Variants in GGA3 observed in about 807,000 individuals in gnomAD.
GGA3 encodes ADP-ribosylation factor-binding protein GGA3.
Under a neutral mutation model 77.5 loss-of-function variants are expected in GGA3, and 57 were observed. The ratio of observed to expected loss-of-function variants is 0.74; its 90% CI spans 0.59 to 0.92. The LOEUF is 0.92. Among genes scored for constraint, GGA3 ranks in the 40% least tolerant of loss-of-function variants. The pLI is 0.00. For missense variants in GGA3, 970 were observed against 914.9 expected (o/e 1.06, Z -0.78); for synonymous variants, 416 against 383.7 (o/e 1.08, Z -0.98).
chr17:75,242,252 A>G, intron 8 of GGA3, 84 bp downstream of exon 8: 1 of 1,393,732 alleles, frequency 7.2e-7, no homozygotes, highest in Non-Finnish European at 1.0e-6. Flanking sequence ...TGTCTCTGAC[A>G]AGGCACGTGC....
intron 1 of GGA3, among the ~76,000 whole-genome samples, chr17:75,251,728 A>AG (rs2076973646): frequency 6.7e-6 from 1 of 149,476 alleles, no homozygotes; most frequent in Non-Finnish European, 1.5e-5. Flanking sequence ...AAAAAAAAAA[A>AG]GCATCACTTC....
At chr17:75,249,063 T>A (rs1376018990) in intron 1 of GGA3, 16 of 915,394 alleles carry the variant, frequency 1.7e-5, no homozygotes, top group Admixed American at 6.2e-5. Context: ...TTATTTATTT[T>A]GAGATTGAGT....
chr17:75,253,218 C>A (rs999361251), intron 1 of GGA3, among the ~76,000 whole-genome samples: 6 of 152,204 alleles, frequency 3.9e-5, no homozygotes, highest in South Asian at 4.1e-4. Flanking sequence ...CCTCTTCTTA[C>A]TCTCTTCTCC....
intron 1 of GGA3, among the ~76,000 whole-genome samples, chr17:75,251,614 G>A (rs1438682235): frequency 6.8e-6 from 1 of 146,010 alleles, no homozygotes; most frequent in Admixed American, 7.1e-5. Flanking sequence ...GCTGAGGCAG[G>A]AGAATCGCTT....
intron 1 of GGA3, among the ~76,000 whole-genome samples, chr17:75,257,767 C>T (rs566384918): frequency 2.6e-5 from 4 of 152,268 alleles, no homozygotes; most frequent in African/African-American, 9.6e-5. Context: ...CCCATTCTCT[C>T]TCCATACCAC....
In GGA3 at chr17:75,239,103, G is replaced by C. The variant is rs1030018253; in HGVS notation, c.1781-20C>G. ...CACTGCCTGTAAGAACGTGACGTGA[G>C]TGTGGGAGGAGCAGCACCAGAGACA... On this transcript the variant is annotated intron_variant, in intron 14 of 16. Transcript: ENST00000537686. 5.0e-6 allele frequency: 8 copies of C among 1,607,820 alleles called. No homozygotes were observed. The highest frequency in any genetic ancestry group is 1.3e-5 in the African/African-American group (1 of 74,864).
rs766845445 is a variant in GGA3, at chr17:75,239,081, T to C, written c.1783A>G (p.Ser595Gly). ...HVPLESIKPS[S>G]ALPVTAYDKN... The stretch of plus-strand genomic sequence containing the variant: ...TCGTAGGCTGTCACAGGAAGGGCAC[T>C]GCCTGTAAGAACGTGACGTGAGTGT... Residue 595 changes from serine (S) to glycine (G), a missense_variant and splice_region_variant, in exon 15 of 17, where the codon AGT (serine) becomes GGT (glycine). By Grantham distance (56) the Ser-to-Gly change is moderately conservative (BLOSUM62 0). Transcript: ENST00000537686. 1 of 1,612,510 alleles carries C rather than the reference T, an allele frequency of 6.2e-7. No individual in the cohort carries two copies. The highest frequency in any genetic ancestry group is 1.7e-5 in the Admixed American group (1 of 60,004).
intron 1 of GGA3, among the ~76,000 whole-genome samples, chr17:75,260,865 C>T (rs779373524): frequency 6.6e-6 from 1 of 151,482 alleles, no homozygotes; most frequent in Non-Finnish European, 1.5e-5. Flanking sequence ...CAGCCTTACT[C>T]AGAATAGGCT....
At position 75,241,485 on chromosome 17, in the gene GGA3, G is replaced by A; in HGVS notation, c.861C>T (p.Ser287=). 1.2e-6 allele frequency: 2 copies of A among 1,613,894 alleles called. No homozygotes were observed. The highest frequency in any genetic ancestry group is 2.2e-5 in the South Asian group (2 of 91,078). ...TTGTTTTGTAAGAGTTGATGACCCGGGAGAGGTTGTCACTGGCTTGCAGGA... is the reference window on the plus strand; with the variant it reads ...TTGTTTTGTAAGAGTTGATGACCCGAGAGAGGTTGTCACTGGCTTGCAGGA... The part of the protein sequence containing the change: ...GDILQASDNL[S]RVINSYKTII... The change falls in exon 10 of 17, where the codon TCC becomes TCT. Residue 287 remains serine, a synonymous_variant. Coordinates refer to ENST00000537686, the MANE Select transcript of GGA3 (RefSeq NM_138619.4).
chr17:75,260,792 C>T (rs1204878956), intron 1 of GGA3, among the ~76,000 whole-genome samples: 3 of 152,172 alleles, frequency 2.0e-5, no homozygotes, highest in African/African-American at 2.4e-5. Flanking sequence ...CTTCGTAGCA[C>T]TGTAATTCAC....
At position 75,246,695 on chromosome 17, in the gene GGA3, A is replaced by C; in HGVS notation, c.125+17T>G. On this transcript the variant is annotated intron_variant, in intron 2 of 16. Coordinates refer to ENST00000537686, the MANE Select transcript of GGA3 (RefSeq NM_138619.4). ...AGTCCGCTCCCTCTCAGCTGCCCCC[A>C]CAGTGCTGAGACTCACCCTTCCAGC... The C allele has an allele frequency of 6.2e-7, 1 of 1,605,392 alleles. No individual in the cohort carries two copies. Among genetic ancestry groups the C allele is most frequent in the South Asian group, 1.1e-5 (1 of 90,916 alleles).
At chr17:75,240,652 G>T in intron 11 of GGA3, 160 bp downstream of exon 11, 2 of 825,656 alleles carry the variant, frequency 2.4e-6, no homozygotes, top group Non-Finnish European at 3.7e-6. Context: ...ATGGCCCTGG[G>T]GCCCTCAGGG....
chr17:75,238,574 G>A (rs773457433), intron 16 of GGA3, 78 bp downstream of exon 16: 2 of 1,071,130 alleles, frequency 1.9e-6, no homozygotes, highest in African/African-American at 1.6e-5. Context: ...ACTTCCAGCT[G>A]GGAGGTGGTG....
At chr17:75,257,646 G>A (rs1409822676) in intron 1 of GGA3, among the ~76,000 whole-genome samples, 7 of 151,658 alleles carry the variant, frequency 4.6e-5, no homozygotes, top group Admixed American at 6.6e-5. Flanking sequence ...CATTCTATAC[G>A]ACAAATGTTT....
At chr17:75,259,553 A>G (rs1238032746) in intron 1 of GGA3, among the ~76,000 whole-genome samples, 1 of 152,198 alleles carries the variant, frequency 6.6e-6, no homozygotes, top group African/African-American at 2.4e-5. Context: ...GGCCTGGAAC[A>G]ACCAAGGCCA....
Position 75,240,376 on chromosome 17 carries a change from T to C in GGA3, c.1229A>G (p.Glu410Gly). ...GTGCCACTGGCTGTTCCCAGCTGAC[T>C]CTTTGGGAGGAACATTAGGGGCTGG... ...ADPAPNVPPK[E>G]SAGNSQWHLL... The change falls in exon 12 of 17, where the codon GAG becomes GGG. Residue 410 changes from glutamate (E) to glycine (G), a missense_variant. By Grantham distance (98) the Glu-to-Gly change is moderately conservative. Transcript: ENST00000537686. 6.2e-7 allele frequency: 1 copy of C among 1,601,114 alleles called. No individual in the cohort carries two copies. The highest frequency in any genetic ancestry group is 8.5e-7 in the Non-Finnish European group (1 of 1,174,792).
At chr17:75,245,747 A>T (rs2076733446) in intron 3 of GGA3, among the ~76,000 whole-genome samples, 1 of 152,086 alleles carries the variant, frequency 6.6e-6, no homozygotes, top group Non-Finnish European at 1.5e-5. Context: ...CTGGTCTTGA[A>T]TTCCCTTAAG....
chr17:75,242,023 C>T lies in GGA3; in HGVS notation c.747+313G>A, dbSNP rs2076576682. The T allele has an allele frequency of 1.8e-5, 10 of 540,992 alleles. No homozygotes were observed. The East Asian group carries it at 3.2e-4, about 17-fold the overall frequency. 33.5% of individuals were successfully genotyped at this position (540,992 alleles called of 1,614,324 possible). ...CATGGGCATCAGGGTTACAAGGAAG[C>T]CTCTCTGTCTTGATGTCCCCAAGGT... On this transcript the variant is annotated intron_variant, in intron 8 of 16. Transcript: ENST00000537686.
At chr17:75,245,818 T>C (rs1423839786) in intron 3 of GGA3, among the ~76,000 whole-genome samples, 3 of 152,206 alleles carry the variant, frequency 2.0e-5, no homozygotes, top group Non-Finnish European at 4.4e-5. Context: ...CACCGTGCCC[T>C]GCTGAGAATC....
Sources: allele counts gnomAD v4.1 joint callset (sites outside exome capture counted in the v4.1 genomes callset), GRCh38; gene constraint gnomAD v4.1.1; transcripts MANE v1.5; gene names NCBI Gene and HGNC (gene_info 2026-07-23, HGNC 2026-07-21).